Variants in GHR observed in about 807,000 individuals in gnomAD.
The protein encoded by GHR is GH receptor.
GHR carries 35 observed loss-of-function variants against 67.1 expected under a neutral mutation model. That is an observed-to-expected ratio of 0.52 (90% confidence interval 0.40 to 0.69). The LOEUF (loss-of-function observed/expected upper bound fraction) is 0.69, where lower values mean the gene tolerates loss of function less well. GHR is among the 30% of genes least tolerant of loss of function. GHR has a pLI of 0.00. For synonymous variants in GHR, 272 were observed against 269.1 expected (o/e 1.01, Z -0.10); for missense variants, 792 against 764.6 (o/e 1.04, Z -0.42).
intron 1 of GHR, among the ~76,000 whole-genome samples, chr5:42,504,125 A>T (rs1273914501): frequency 3.3e-5 from 5 of 152,166 alleles, no homozygotes; most frequent in Non-Finnish European, 7.4e-5. Context: ...TGAACATGTT[A>T]TTCTTTTGGA....
chr5:42,616,128 G>T (rs1753135134), intron 2 of GHR, among the ~76,000 whole-genome samples: 1 of 151,914 alleles, frequency 6.6e-6, no homozygotes, highest in Non-Finnish European at 1.5e-5. Flanking sequence ...TGATTACATG[G>T]GAAGCCACTA....
intron 1 of GHR, chr5:42,468,964 T>G (rs1744876880): frequency 2.5e-6 from 1 of 405,584 alleles, no homozygotes; most frequent in African/African-American, 2.1e-5. Flanking sequence ...GAAGAACAAT[T>G]TTTTTGAAAT....
At chr5:42,509,309 C>T (rs1746911177) in intron 1 of GHR, among the ~76,000 whole-genome samples, 1 of 152,238 alleles carries the variant, frequency 6.6e-6, no homozygotes, top group South Asian at 2.1e-4. Flanking sequence ...ATTGGCAACT[C>T]TCCATATTTC....
chr5:42,594,935 A>G (rs1291321903), intron 2 of GHR, among the ~76,000 whole-genome samples: 2 of 152,282 alleles, frequency 1.3e-5, no homozygotes, highest in South Asian at 2.1e-4. Flanking sequence ...AGAGCCAAAT[A>G]GTAGCTTAAT....
chr5:42,459,282 AC>A (rs1744387345), intron 1 of GHR, among the ~76,000 whole-genome samples: 1 of 152,180 alleles, frequency 6.6e-6, no homozygotes. Context: ...TCAATAGTAG[AC>A]TGGATAAAGA....
At chr5:42,449,677 A>G (rs146863849) in intron 1 of GHR, among the ~76,000 whole-genome samples, 2 of 152,288 alleles carry the variant, frequency 1.3e-5, no homozygotes, top group African/African-American at 4.8e-5. Flanking sequence ...ACTACGCTGA[A>G]TAGAAGTGGT....
At chr5:42,634,155 A>G (rs1382350989) in intron 3 of GHR, among the ~76,000 whole-genome samples, 1 of 151,910 alleles carries the variant, frequency 6.6e-6, no homozygotes, top group Non-Finnish European at 1.5e-5. Context: ...TAAAATAAAG[A>G]TGCTAATAGT....
intron 3 of GHR, among the ~76,000 whole-genome samples, chr5:42,662,510 G>A (rs867474228): frequency 1.3e-5 from 2 of 152,074 alleles, no homozygotes; most frequent in African/African-American, 2.4e-5. Context: ...TGACTACTGG[G>A]TACATAACAA....
chr5:42,584,005 C>T (rs1385699621), intron 2 of GHR, among the ~76,000 whole-genome samples: 3 of 151,912 alleles, frequency 2.0e-5, no homozygotes, highest in South Asian at 4.2e-4. Context: ...CTCCAAGTCT[C>T]TTTGCGGTCC....
At chr5:42,582,081 C>T (rs2112560507) in intron 2 of GHR, among the ~76,000 whole-genome samples, 1 of 152,352 alleles carries the variant, frequency 6.6e-6, no homozygotes, top group South Asian at 2.1e-4. Flanking sequence ...CTTTGGACAC[C>T]AACCAGCATG....
At chr5:42,465,940 A>G (rs556008959) in intron 1 of GHR, 6 of 691,218 alleles carry the variant, frequency 8.7e-6, no homozygotes, top group Non-Finnish European at 1.6e-5. Context: ...CTGGTCTTCT[A>G]TCAGTTATTT....
chr5:42,570,141 G>A (rs572977913), intron 2 of GHR, among the ~76,000 whole-genome samples: 1 of 152,286 alleles, frequency 6.6e-6, no homozygotes, highest in African/African-American at 2.4e-5. Context: ...TTAGAGTCAT[G>A]GTTTCAGTTA....
At chr5:42,579,576 A>G (rs1250727573) in intron 2 of GHR, among the ~76,000 whole-genome samples, 1 of 152,212 alleles carries the variant, frequency 6.6e-6, no homozygotes, top group African/African-American at 2.4e-5. Flanking sequence ...AACAACTTAA[A>G]CATCAGTTAA....
intron 2 of GHR, among the ~76,000 whole-genome samples, chr5:42,604,221 C>A (rs577837927): frequency 2.6e-5 from 4 of 152,162 alleles, no homozygotes; most frequent in Non-Finnish European, 5.9e-5. Context: ...TGTCTAGAAG[C>A]TCTCTAAATC....
intron 1 of GHR, among the ~76,000 whole-genome samples, chr5:42,485,755 T>G (rs991989318): frequency 1.3e-5 from 2 of 152,218 alleles, no homozygotes; most frequent in African/African-American, 4.8e-5. Flanking sequence ...TTACATAGAT[T>G]CATTATTACT....
At chr5:42,524,284 G>A (rs570063879) in intron 1 of GHR, among the ~76,000 whole-genome samples, 1 of 152,340 alleles carries the variant, frequency 6.6e-6, no homozygotes, top group African/African-American at 2.4e-5. Flanking sequence ...CCAGGCTGAG[G>A]TGGTTTCAGA....
rs57962722 is a variant in GHR, at chr5:42,540,183, TTCTCTCTCTC to T, written c.-11-25653_-11-25644del. On this transcript the variant is annotated intron_variant, in intron 1 of 9. Transcript: ENST00000230882. ...TACTTGAATGGGATGTGTTACTGTA[TTCTCTCTCTC>T]TCTCTCTCTCTCTCTCTCTCTCTCT... Among the ~76,000 whole-genome samples the T allele has an allele frequency of 1.8e-3, 255 of 144,502 alleles. 3 individuals are homozygous for T. In the East Asian group the frequency reaches 0.032, roughly 18 times the overall value. 94.8% of individuals were successfully genotyped at this position (144,502 alleles called of 152,430 possible).
At chr5:42,565,339 TA>T in intron 1 of GHR, 1 of 442,868 alleles carries the variant, frequency 2.3e-6, no homozygotes, top group Non-Finnish European at 3.0e-6. Context: ...CCCTTCTAGT[TA>T]AACCTCTTTA....
Position 42,424,921 on chromosome 5 carries a change from G to T in GHR, c.-12+966G>T, listed in dbSNP as rs1158608766. ...GTGCGCTGTGTGTGCGCGCGCGAGTGTGCGCCTGGGGAGGCGTGTCGGCGC... is the reference window on the plus strand; with the variant it reads ...GTGCGCTGTGTGTGCGCGCGCGAGTTTGCGCCTGGGGAGGCGTGTCGGCGC... On this transcript the variant is annotated intron_variant, in intron 1 of 9. Coordinates refer to ENST00000230882, the MANE Select transcript of GHR (RefSeq NM_000163.5). This position sits in a 1 kb window ranked among gnomAD's most constrained non-coding sequence, Gnocchi z 4.1. The T allele has an allele frequency of 3.6e-6, 3 of 824,956 alleles. No individual in the cohort carries two copies. In the Admixed American group the frequency reaches 1.9e-4, roughly 51 times the overall value. The allele number at this position is 824,956 out of a possible 1,614,324, so 51.1% of individuals were successfully genotyped here. A position where few individuals can be genotyped will look rare whatever the true frequency, so the allele number is the denominator to read the frequency against.
Sources: gnomAD v4.1 joint callset for allele counts (sites outside exome capture counted in the v4.1 genomes callset) on GRCh38, gnomAD v4.1.1 for gene constraint, Gnocchi (gnomAD v3.1) non-coding constraint, MANE v1.5 for transcripts, NCBI Gene and HGNC (gene_info 2026-07-23, HGNC 2026-07-21) for gene names.